Variants in CCDC47 observed in about 807,000 individuals in gnomAD.
CCDC47 encodes the protein coiled-coil domain containing 47.
A neutral mutation model predicts 60.5 loss-of-function variants in CCDC47; 41 were observed. That is an observed-to-expected ratio of 0.68 (90% confidence interval 0.53 to 0.88). The LOEUF is 0.88. Among genes scored for constraint, CCDC47 ranks in the 40% least tolerant of loss-of-function variants. CCDC47 has a pLI of 0.00. For synonymous variants in CCDC47, 195 were observed against 190.7 expected, an observed-to-expected ratio of 1.02 and a Z score of -0.18; for missense variants, 513 against 580.9, an observed-to-expected ratio of 0.88 and a Z score of 1.20.
chr17:63,746,597 A>T lies in CCDC47; in HGVS notation c.*284T>A. ...ACTGATGATTTGTATTATAATTTTT[A>T]AAATATTTAAAACCTACACAGATTT... On this transcript the variant is annotated 3_prime_UTR_variant, in exon 13 of 13. Transcript: ENST00000225726. The T allele has an allele frequency of 3.6e-6, 1 of 276,886 alleles. No homozygotes were observed. Among genetic ancestry groups the T allele is most frequent in the Non-Finnish European group, 6.8e-6 (1 of 147,328 alleles). 17.2% of individuals were successfully genotyped at this position (276,886 alleles called of 1,614,324 possible).
chr17:63,754,428 C>G lies in CCDC47; in HGVS notation c.1034+5G>C. 1.3e-6 allele frequency: 2 copies of G among 1,542,652 alleles called. No individual in the cohort carries two copies. The highest frequency in any genetic ancestry group is 1.8e-6 in the Non-Finnish European group (2 of 1,118,112). ...TTAATTTCAACAATTTTATCTTATA[C>G]GTACTCTTGCATAATTTTTGGACCA... On this transcript the variant is annotated splice_donor_5th_base_variant and intron_variant, in intron 9 of 12. Coordinates refer to ENST00000225726, the MANE Select transcript of CCDC47 (RefSeq NM_020198.3).
chr17:63,754,638 G>A (rs964086397), intron 8 of CCDC47, 120 bp from the exon 9 acceptor site: 15 of 589,926 alleles, frequency 2.5e-5, no homozygotes, highest in Non-Finnish European at 4.2e-5. Flanking sequence ...CCGCACTTTG[G>A]GAGGCAGGTG....
intron 1 of CCDC47, among the ~76,000 whole-genome samples, chr17:63,772,009 G>A (rs776047915): frequency 1.2e-4 from 18 of 152,030 alleles, no homozygotes; most frequent in Non-Finnish European, 1.9e-4. Flanking sequence ...TTGAACCCGA[G>A]AGATGGAGGT....
At chr17:63,757,735 G>T (rs2039218418) in intron 6 of CCDC47, among the ~76,000 whole-genome samples, 1 of 152,168 alleles carries the variant, frequency 6.6e-6, no homozygotes, top group Non-Finnish European at 1.5e-5. Flanking sequence ...AATATATTTG[G>T]TTTTTATCCC....
At position 63,760,937 on chromosome 17, in the gene CCDC47, T is replaced by A. The variant is rs1477461653; in HGVS notation, c.712A>T (p.Met238Leu). 1.2e-6 allele frequency: 2 copies of A among 1,612,830 alleles called. No individual in the cohort carries two copies. Among genetic ancestry groups the A allele is most frequent in the Admixed American group, 1.7e-5 (1 of 59,930 alleles). The change falls in exon 6 of 13, where the codon ATG (methionine) becomes TTG (leucine). Residue 238 changes from methionine (M) to leucine (L), a missense_variant. Coordinates refer to ENST00000225726, the MANE Select transcript of CCDC47 (RefSeq NM_020198.3). ...QDLLNVLARM[M>L]RPVSDQVQIK... ...ACCACTTGATCACTCACTGGCCTCA[T>A]CATCCGGGCCAGGACATTCAGTAAG...
At chr17:63,770,975 G>A (rs1402338639) in intron 1 of CCDC47, among the ~76,000 whole-genome samples, 41 of 117,710 alleles carry the variant, frequency 3.5e-4, no homozygotes, top group Admixed American at 3.1e-3. Context: ...GTGACAGAGC[G>A]AGACTGTGTC....
At chr17:63,763,509 C>T (rs75894550) in intron 4 of CCDC47, among the ~76,000 whole-genome samples, 4,817 of 151,760 alleles carry the variant, frequency 0.032, 273 homozygotes, top group African/African-American at 0.11. Flanking sequence ...TGGGTAACAG[C>T]GTGAGACCTT....
intron 9 of CCDC47, chr17:63,753,052 G>T: frequency 2.0e-6 from 1 of 500,572 alleles, no homozygotes; most frequent in African/African-American, 2.1e-5. Context: ...CCAGGCAAGG[G>T]TATATTCCAT....
intron 6 of CCDC47, among the ~76,000 whole-genome samples, chr17:63,760,349 TA>T (rs1447132429): frequency 1.3e-5 from 2 of 152,214 alleles, no homozygotes; most frequent in Non-Finnish European, 2.9e-5. Flanking sequence ...TTGTCAAGGC[TA>T]ACTCCATTGA....
At chr17:63,758,511 A>C (rs1334610390) in intron 6 of CCDC47, among the ~76,000 whole-genome samples, 1 of 68,636 alleles carries the variant, frequency 1.5e-5, no homozygotes, top group African/African-American at 4.1e-5. Flanking sequence ...CGGTCTCTAG[A>C]AAAAAAAAAA....
In CCDC47 at chr17:63,766,136, A is replaced by G. The variant is rs1162153640; in HGVS notation, c.40T>C (p.Phe14Leu). The G allele has an allele frequency of 6.2e-7, 1 of 1,614,064 alleles. No homozygotes were observed. The highest frequency in any genetic ancestry group is 1.1e-5 in the South Asian group (1 of 91,066). The part of the protein sequence containing the change: ...FHTFCVVLLV[F>L]GSVSEAKFDD... ...AACTTGGCTTCAGAGACACTCCCAA[A>G]CACCAGAAGGACAACACAGAAAGTG... The change falls in exon 2 of 13, where the codon TTT (phenylalanine) becomes CTT (leucine). Residue 14 changes from phenylalanine (F) to leucine (L), a missense_variant. Phe to Leu is a conservative substitution (Grantham distance 22, BLOSUM62 0). Coordinates refer to ENST00000225726, the MANE Select transcript of CCDC47 (RefSeq NM_020198.3).
intron 12 of CCDC47, chr17:63,747,411 G>A (rs1294837338): frequency 1.0e-6 from 1 of 984,320 alleles, no homozygotes; most frequent in Non-Finnish European, 1.2e-6. Context: ...TTTCTTATTA[G>A]CACAGACACC....
chr17:63,769,074 ACT>A (rs1181806662), intron 1 of CCDC47, among the ~76,000 whole-genome samples: 3 of 145,184 alleles, frequency 2.1e-5, no homozygotes, highest in African/African-American at 7.7e-5. Flanking sequence ...ACACAGGGAG[ACT>A]CTGTCTCAAA....
Position 63,764,079 on chromosome 17 carries a change from G to T in CCDC47, c.484C>A (p.Arg162Ser). ...NYIIGKNKNS[R>S]LAQAWFNTHR... Reference sequence around the variant, plus strand: ...GTGTTAAACCAGGCCTGTGCAAGGCGACTGTTTTTATTCTTCCCAATGATG... The same window carrying T: ...GTGTTAAACCAGGCCTGTGCAAGGCTACTGTTTTTATTCTTCCCAATGATG... Residue 162 changes from arginine (R) to serine (S), a missense_variant, in exon 4 of 13, where the codon CGC becomes AGC. Physicochemically the swap from Arg to Ser is moderately radical, Grantham distance 110. Transcript: ENST00000225726. 1 of 1,613,232 alleles carries T rather than the reference G, an allele frequency of 6.2e-7. No individual in the cohort carries two copies. Among genetic ancestry groups the T allele is most frequent in the Non-Finnish European group, 8.5e-7 (1 of 1,179,854 alleles).
Position 63,765,957 on chromosome 17 carries a change from C to T in CCDC47, c.219G>A (p.Gly73=). 6.2e-7 allele frequency: 1 copy of T among 1,614,068 alleles called. No homozygotes were observed. The highest frequency in any genetic ancestry group is 8.5e-7 in the Non-Finnish European group (1 of 1,179,974). The change falls in exon 2 of 13, where the codon GGG becomes GGA. Residue 73 remains glycine (G), a synonymous_variant. Coordinates refer to ENST00000225726, the MANE Select transcript of CCDC47 (RefSeq NM_020198.3). The part of the protein sequence containing the change: ...DEDETTVELE[G]QDENQEGDFE... ...AATCTCCTTCTTGGTTTTCATCCTG[C>T]CCTTCCAACTCCACAGTGGTCTCAT...
Position 63,752,297 on chromosome 17 carries a change from A to G in CCDC47, c.1203+23T>C, listed in dbSNP as rs1279034286. The G allele has an allele frequency of 2.6e-6, 4 of 1,537,380 alleles. No homozygotes were observed. In the East Asian group the frequency reaches 6.7e-5, roughly 26 times the overall value. On this transcript the variant is annotated intron_variant, in intron 11 of 12. Coordinates refer to ENST00000225726, the MANE Select transcript of CCDC47 (RefSeq NM_020198.3). Reference sequence around the variant, plus strand: ...GAAACAAAAAAAGGTGCCAATTTATATAATACAGGCATTGGGTCTTACTTC... The same window carrying G: ...GAAACAAAAAAAGGTGCCAATTTATGTAATACAGGCATTGGGTCTTACTTC...
At chr17:63,752,268 A>G (rs2039172477) in intron 11 of CCDC47, 52 bp downstream of exon 11, 1 of 1,469,076 alleles carries the variant, frequency 6.8e-7, no homozygotes. Flanking sequence ...CTCCCCCTTG[A>G]GAAGAAACAA....
At chr17:63,748,006 C>T (rs1344228540) in intron 12 of CCDC47, among the ~76,000 whole-genome samples, 2 of 151,378 alleles carry the variant, frequency 1.3e-5, no homozygotes, top group Non-Finnish European at 2.9e-5. Context: ...AGGCATGTGC[C>T]ACCACACCCA....
In CCDC47 at chr17:63,752,105, G is replaced by A; in HGVS notation, c.1206C>T (p.Gly402=). 1 of 1,612,168 alleles carries A rather than the reference G, an allele frequency of 6.2e-7. No individual in the cohort carries two copies. The highest frequency in any genetic ancestry group is 8.5e-7 in the Non-Finnish European group (1 of 1,179,424). ...KAKKFRLNRE[G]KQKADKNRAR... ...CACGGTTCTTATCTGCTTTTTGTTT[G>A]CCCTTCCCCAAGAAACAAAGTATTT... Residue 402 remains glycine, a splice_region_variant and synonymous_variant, in exon 12 of 13, where the codon GGC becomes GGT. Transcript: ENST00000225726.
Sources: gnomAD v4.1 joint callset for allele counts (sites outside exome capture counted in the v4.1 genomes callset) on GRCh38, gnomAD v4.1.1 for gene constraint, MANE v1.5 for transcripts, NCBI Gene and HGNC (gene_info 2026-07-23, HGNC 2026-07-21) for gene names.